Variants in KY observed in about 807,000 individuals in gnomAD.
KY encodes kyphoscoliosis peptidase.
A neutral mutation model predicts 76.1 loss-of-function variants in KY; 43 were observed. The observed-to-expected ratio is 0.57, with a 90% confidence interval of 0.44 to 0.73. KY has a LOEUF of 0.73. KY is among the 30% of genes least tolerant of loss of function. KY has a pLI of 0.00. For missense variants in KY, 722 were observed against 828.9 expected (o/e 0.87, Z 1.58); for synonymous variants, 277 against 326.2 (o/e 0.85, Z 1.63).
At position 134,601,011 on chromosome 3, in the gene KY, C is replaced by T. The variant is rs537773275; in HGVS notation, c.*2568G>A. The T allele has an allele frequency of 6.6e-6, 1 of 152,226 alleles. No individual in the cohort carries two copies. The highest frequency in any genetic ancestry group is 1.9e-4 in the East Asian group (1 of 5,194). 9.4% of individuals were successfully genotyped at this position (152,226 alleles called of 1,614,324 possible). On this transcript the variant is annotated 3_prime_UTR_variant, in exon 11 of 11. Transcript: ENST00000423778. ...GTGCAGCGCCGGCAGCTCCGCACTT[C>T]GGACACCTGGGGGCGCCCGTGCCAT...
intron 8 of KY, among the ~76,000 whole-genome samples, chr3:134,617,973 C>T (rs1289455135): frequency 2.6e-5 from 4 of 152,102 alleles, no homozygotes; most frequent in Non-Finnish European, 4.4e-5. Context: ...CTGGAGAGGC[C>T]TGCAGGCAGC....
intron 3 of KY, among the ~76,000 whole-genome samples, chr3:134,636,255 T>C (rs1452490361): frequency 6.6e-6 from 1 of 152,254 alleles, no homozygotes; most frequent in African/African-American, 2.4e-5. Context: ...ATCTTATCAG[T>C]AGTGCAAGAG....
At chr3:134,646,047 T>C (rs9845757) in intron 2 of KY, among the ~76,000 whole-genome samples, 16,169 of 152,246 alleles carry the variant, frequency 0.11, 1,103 homozygotes, top group East Asian at 0.2. Context: ...TGTGCTTCTT[T>C]GTTTCCACCT....
At chr3:134,621,025 A>C (rs1415132206) in intron 6 of KY, among the ~76,000 whole-genome samples, 168 bp from the exon 7 acceptor site, 1 of 152,156 alleles carries the variant, frequency 6.6e-6, no homozygotes. Flanking sequence ...AGGTGGGGGA[A>C]GTTGGACAGG....
chr3:134,650,263 C>T (rs1267634970), intron 1 of KY, among the ~76,000 whole-genome samples: 1 of 152,156 alleles, frequency 6.6e-6, no homozygotes, highest in Non-Finnish European at 1.5e-5. Flanking sequence ...CAAATCTTAC[C>T]CTATCCAAAC....
intron 10 of KY, among the ~76,000 whole-genome samples, 172 bp from the exon 11 acceptor site, chr3:134,604,646 C>T (rs1959125805): frequency 6.6e-6 from 1 of 152,222 alleles, no homozygotes. Context: ...AATATGACTT[C>T]ACTGAGCATG....
chr3:134,624,117 G>A (rs911134300), intron 6 of KY, among the ~76,000 whole-genome samples: 6 of 151,990 alleles, frequency 3.9e-5, no homozygotes, highest in Non-Finnish European at 7.4e-5. Context: ...CTTGCTCCTC[G>A]TGAGGAGGTA....
At chr3:134,629,435 G>A (rs189286790) in intron 4 of KY, 186 bp downstream of exon 4, 17 of 560,290 alleles carry the variant, frequency 3.0e-5, no homozygotes, top group East Asian at 2.6e-4. Context: ...CAAAATCAGC[G>A]GTAGCTGGGT....
At chr3:134,604,548 G>T in intron 10 of KY, 74 bp from the exon 11 acceptor site, 1 of 1,320,272 alleles carries the variant, frequency 7.6e-7, no homozygotes, top group Non-Finnish European at 1.0e-6. Context: ...TTTAACAACT[G>T]TCTCCCTGGG....
rs540954599 is a variant in KY, at chr3:134,606,890, C to T, written c.1090+1759G>A. On this transcript the variant is annotated intron_variant, in intron 10 of 10. Transcript: ENST00000423778. ...AGCTTTCCAGCCCCTTATCTAGGTG[C>T]CCTCTTCCTTCCCTTCCTTTCTGCT... The T allele has an allele frequency of 7.1e-6, 7 of 982,848 alleles. No homozygotes were observed. The African/African-American group carries it at 8.7e-5, about 12-fold the overall frequency. 60.9% of individuals were successfully genotyped at this position (982,848 alleles called of 1,614,324 possible).
chr3:134,622,835 C>A (rs1962872008), intron 6 of KY, among the ~76,000 whole-genome samples: 1 of 152,138 alleles, frequency 6.6e-6, no homozygotes, highest in South Asian at 2.1e-4. Context: ...CCACATTCCC[C>A]TCAGCTCCCA....
Position 134,610,365 on chromosome 3 carries a change from A to G in KY, c.729T>C (p.Cys243=). 1 of 1,612,484 alleles carries G rather than the reference A, an allele frequency of 6.2e-7. No individual in the cohort carries two copies. ...ERMCRLAGVQ[C]MTVPGYSKGF... is the part of the protein sequence containing the mutation. Reference sequence around the variant, plus strand: ...CCTTGGAGTAGCCAGGCACGGTCATACACTGCACTCCGGCGAGCCTGGGGG... The same window carrying G: ...CCTTGGAGTAGCCAGGCACGGTCATGCACTGCACTCCGGCGAGCCTGGGGG... Residue 243 remains cysteine (C), a synonymous_variant, in exon 9 of 11, where the codon TGT becomes TGC. Transcript: ENST00000423778.
At chr3:134,635,677 A>T (rs964242746) in intron 3 of KY, among the ~76,000 whole-genome samples, 1 of 152,078 alleles carries the variant, frequency 6.6e-6, no homozygotes, top group African/African-American at 2.4e-5. Context: ...TCACAAATCT[A>T]TGCATGTGTT....
rs1958993625 is a variant in KY at position 134,602,109 on chromosome 3, C to G, written c.*1470G>C. Among the ~76,000 whole-genome samples, 1 of 152,104 alleles carries G rather than the reference C, an allele frequency of 6.6e-6. No homozygotes were observed. Among genetic ancestry groups the G allele is most frequent in the South Asian group, 2.1e-4 (1 of 4,822 alleles). ...GTGGAGGGGCTGTGGGGAGAGGTGC[C>G]AGGCAGTGCTGGCTCTCAGGGGTTG... On this transcript the variant is annotated 3_prime_UTR_variant, in exon 11 of 11. Coordinates refer to ENST00000423778, the MANE Select transcript of KY (RefSeq NM_178554.6).
intron 2 of KY, among the ~76,000 whole-genome samples, chr3:134,645,172 G>A (rs1405237726): frequency 6.6e-6 from 1 of 152,222 alleles, no homozygotes; most frequent in Non-Finnish European, 1.5e-5. Context: ...ACCAAGGAAA[G>A]TAGCCAATCA....
At chr3:134,628,109 G>A (rs527674923) in intron 4 of KY, 26 of 420,184 alleles carry the variant, frequency 6.2e-5, no homozygotes, top group African/African-American at 4.8e-4. Flanking sequence ...GTGATTCATT[G>A]GGTCCTCCTG....
In KY at chr3:134,610,396, C is replaced by T. The variant is rs758670958; in HGVS notation, c.711-13G>A. 15 of 1,604,510 alleles carry T rather than the reference C, an allele frequency of 9.3e-6. No individual in the cohort carries two copies. Among genetic ancestry groups the T allele is most frequent in the African/African-American group, 2.7e-5 (2 of 74,546 alleles). On this transcript the variant is annotated splice_polypyrimidine_tract_variant and intron_variant, in intron 8 of 10. Transcript: ENST00000423778. ...CACTCCGGCGAGCCTGGGGGCAGGA[C>T]AGGGGGTCTGAGAGGGGGATCCCGC... is the stretch of plus-strand genomic sequence containing the variant.
At chr3:134,639,346 GCT>G (rs1222851469) in intron 3 of KY, among the ~76,000 whole-genome samples, 1 of 152,108 alleles carries the variant, frequency 6.6e-6, no homozygotes, top group African/African-American at 2.4e-5. Flanking sequence ...CCACTCAGCA[GCT>G]CTCATTATGA....
chr3:134,606,539 C>G (rs1959216571), intron 10 of KY, among the ~76,000 whole-genome samples: 1 of 152,196 alleles, frequency 6.6e-6, no homozygotes, highest in African/African-American at 2.4e-5. Flanking sequence ...CTGGCAGCTT[C>G]TCTCCTAGCC....
Sources: allele counts gnomAD v4.1 joint callset (sites outside exome capture counted in the v4.1 genomes callset), GRCh38; gene constraint gnomAD v4.1.1; transcripts MANE v1.5; gene names NCBI Gene and HGNC (gene_info 2026-07-23, HGNC 2026-07-21).